Variants in CDH18 observed in about 807,000 individuals in gnomAD.
CDH18 encodes the protein cadherin-18.
In CDH18, 31 loss-of-function variants were observed where a neutral mutation model predicts 67.9. The ratio of observed to expected loss-of-function variants is 0.46; its 90% CI spans 0.34 to 0.62. CDH18 has a LOEUF of 0.62. Among genes scored for constraint, CDH18 ranks in the 20% least tolerant of loss-of-function variants. The pLI, the probability that CDH18 is intolerant of heterozygous loss-of-function variation, is 0.01. For synonymous variants in CDH18, 362 were observed against 347.2 expected (o/e 1.04, Z -0.48); for missense variants, 890 against 975.5 (o/e 0.91, Z 1.17).
intron 2 of CDH18, among the ~76,000 whole-genome samples, chr5:20,225,178 C>A (rs1741517707): frequency 6.6e-6 from 1 of 152,120 alleles, no homozygotes; most frequent in South Asian, 2.1e-4. Flanking sequence ...CATGAAGTCA[C>A]TGTGTACCTT....
intron 3 of CDH18, among the ~76,000 whole-genome samples, chr5:19,788,087 T>G (rs1419645465): frequency 6.6e-6 from 1 of 152,162 alleles, no homozygotes; most frequent in East Asian, 1.9e-4. Flanking sequence ...ACCTGTTGCA[T>G]GTGTTTGCCA....
At chr5:20,323,857 A>C (rs974833538) in intron 1 of CDH18, among the ~76,000 whole-genome samples, 2 of 152,194 alleles carry the variant, frequency 1.3e-5, no homozygotes, top group African/African-American at 2.4e-5. Flanking sequence ...TTTTCTTTCA[A>C]ATATCCAGAA....
At chr5:19,848,207 G>A (rs762206888) in intron 2 of CDH18, 1 of 152,140 alleles carries the variant, frequency 6.6e-6, no homozygotes, top group Non-Finnish European at 1.5e-5. Context: ...AATTCCATCA[G>A]TGCTCTGAAA....
chr5:20,001,999 A>C (rs1007343971), intron 2 of CDH18, among the ~76,000 whole-genome samples: 1 of 152,176 alleles, frequency 6.6e-6, no homozygotes, highest in African/African-American at 2.4e-5. Context: ...CAATATTCAT[A>C]TATCAGGGTT....
intron 1 of CDH18, among the ~76,000 whole-genome samples, chr5:20,540,421 C>A (rs994295010): frequency 3.3e-5 from 5 of 152,066 alleles, no homozygotes; most frequent in Admixed American, 6.6e-5. Flanking sequence ...ACAATGAAAA[C>A]AATAATGATA....
chr5:20,328,459 G>A (rs2150020197), intron 1 of CDH18, among the ~76,000 whole-genome samples: 1 of 147,012 alleles, frequency 6.8e-6, no homozygotes, highest in South Asian at 2.2e-4. Context: ...TTATTGAGGT[G>A]TTGGAGAAGC....
intron 1 of CDH18, among the ~76,000 whole-genome samples, chr5:20,334,407 G>C (rs1204072285): frequency 1.3e-5 from 2 of 151,864 alleles, no homozygotes; most frequent in Non-Finnish European, 2.9e-5. Context: ...AAAGTGCTGG[G>C]ATTACAGGCG....
At chr5:20,439,048 C>G (rs1749398236) in intron 1 of CDH18, among the ~76,000 whole-genome samples, 1 of 151,480 alleles carries the variant, frequency 6.6e-6, no homozygotes, top group Admixed American at 6.6e-5. Flanking sequence ...CATTTTTTAA[C>G]TTGTTTGTCC....
chr5:20,149,577 G>A (rs938026251), intron 2 of CDH18, among the ~76,000 whole-genome samples: 6 of 152,188 alleles, frequency 3.9e-5, no homozygotes, highest in African/African-American at 1.4e-4. Context: ...CAAAGCAAGG[G>A]TTTCCTACTG....
chr5:20,221,032 T>A (rs1741180001), intron 2 of CDH18, among the ~76,000 whole-genome samples: 1 of 152,026 alleles, frequency 6.6e-6, no homozygotes. Context: ...GGTGTGTAAA[T>A]TAATACAATA....
intron 1 of CDH18, among the ~76,000 whole-genome samples, chr5:20,555,641 C>A (rs1388482014): frequency 6.6e-6 from 1 of 151,482 alleles, no homozygotes; most frequent in Non-Finnish European, 1.5e-5. Flanking sequence ...CACACAGAAT[C>A]TTAAAGATAT....
chr5:20,098,579 CCA>C (rs1746186720), intron 2 of CDH18, among the ~76,000 whole-genome samples: 1 of 151,902 alleles, frequency 6.6e-6, no homozygotes, highest in South Asian at 2.1e-4. Flanking sequence ...TAAAAATGTG[CCA>C]TGAAATATCC....
At chr5:20,528,431 C>CA (rs1756199899) in intron 1 of CDH18, among the ~76,000 whole-genome samples, 1 of 152,020 alleles carries the variant, frequency 6.6e-6, no homozygotes, top group Non-Finnish European at 1.5e-5. Flanking sequence ...ACTCTCCACC[C>CA]AAAAACAACA....
intron 3 of CDH18, among the ~76,000 whole-genome samples, chr5:19,809,661 T>C (rs1393365455): frequency 3.3e-5 from 5 of 152,166 alleles, no homozygotes; most frequent in South Asian, 2.1e-4. Flanking sequence ...TAAAAGGAAA[T>C]ATATGTTTTA....
intron 3 of CDH18, among the ~76,000 whole-genome samples, chr5:19,810,127 T>C (rs1285775617): frequency 6.6e-6 from 1 of 151,818 alleles, no homozygotes; most frequent in Non-Finnish European, 1.5e-5. Flanking sequence ...GTCAGGAGTT[T>C]GAGACCAGCC....
At position 20,328,420 on chromosome 5, in the gene CDH18, C is replaced by T. The variant is rs376189860; in HGVS notation, c.-579-72915G>A. On this transcript the variant is annotated intron_variant, in intron 1 of 14. Coordinates refer to the CDH18 transcript ENST00000507958. ...AGTAAAAGAGAGGAGTCTGGAGTAT[C>T]TGACAAGATGAAAGAATCGGGTTGT... 2.3e-4 allele frequency among the ~76,000 whole-genome samples: 34 copies of T among 151,046 alleles called. No homozygotes were observed. The East Asian group carries it at 4.1e-3, about 18-fold the overall frequency.
At chr5:19,748,079 C>G (rs1215109524) in intron 3 of CDH18, among the ~76,000 whole-genome samples, 1 of 110,186 alleles carries the variant, frequency 9.1e-6, no homozygotes, top group African/African-American at 3.4e-5. Flanking sequence ...CGCCACTGCA[C>G]TCCAGGCTGG....
chr5:19,596,571 C>T lies in CDH18; in HGVS notation c.812-5327G>A, dbSNP rs1746196670. Among the ~76,000 whole-genome samples, 6 of 152,076 alleles carry T rather than the reference C, an allele frequency of 3.9e-5. No homozygotes were observed. In the South Asian group the frequency reaches 1.2e-3, roughly 31 times the overall value. On this transcript the variant is annotated intron_variant, in intron 6 of 12. Coordinates refer to ENST00000382275, the MANE Select transcript of CDH18 (RefSeq NM_004934.5). ...CTTAGTTAACAGAGATAAATAAATACATTATAGAATTACTATGATGATAGC... is the reference window on the plus strand; with the variant it reads ...CTTAGTTAACAGAGATAAATAAATATATTATAGAATTACTATGATGATAGC...
intron 1 of CDH18, among the ~76,000 whole-genome samples, chr5:20,571,599 T>C (rs1037088925): frequency 6.6e-6 from 1 of 152,108 alleles, no homozygotes; most frequent in African/African-American, 2.4e-5. Flanking sequence ...CATTCAAAAT[T>C]CACAATTATC....
Sources: gnomAD v4.1 joint callset for allele counts (sites outside exome capture counted in the v4.1 genomes callset) on GRCh38, gnomAD v4.1.1 for gene constraint, MANE v1.5 for transcripts, NCBI Gene and HGNC (gene_info 2026-07-23, HGNC 2026-07-21) for gene names.